The following PARD3 variants were observed in gnomAD, a reference collection of about 807,000 sequenced individuals.
PARD3 encodes par-3 family cell polarity regulator, also known as partitioning defective 3 homolog.
PARD3 carries 75 observed loss-of-function variants against 155.4 expected under a neutral mutation model. The observed-to-expected ratio is 0.48, with a 90% CI of 0.40 to 0.58. The LOEUF (loss-of-function observed/expected upper bound fraction) is 0.58. Among genes scored for constraint, PARD3 ranks in the 20% least tolerant of loss-of-function variants. The pLI is 0.00. For synonymous variants in PARD3, 576 were observed against 610.5 expected, an observed-to-expected ratio of 0.94 and a Z score of 0.83; for missense variants, 1,642 against 1,721.7, an observed-to-expected ratio of 0.95 and a Z score of 0.82.
intron 1 of PARD3, among the ~76,000 whole-genome samples, chr10:34,783,857 C>A (rs182558402): frequency 3.6e-4 from 54 of 151,958 alleles, no homozygotes; most frequent in Non-Finnish European, 6.3e-4. Context: ...GTAACAGCAA[C>A]TCATTAAGTG....
At chr10:34,446,946 C>T (rs189620957) in intron 5 of PARD3, among the ~76,000 whole-genome samples, 25 of 152,282 alleles carry the variant, frequency 1.6e-4, no homozygotes, top group Non-Finnish European at 2.5e-4. Context: ...TTTATTCCAG[C>T]ATTTAGTCAA....
At chr10:34,683,793 G>A (rs781427654) in intron 2 of PARD3, among the ~76,000 whole-genome samples, 8 of 152,100 alleles carry the variant, frequency 5.3e-5, no homozygotes, top group South Asian at 2.1e-4. Flanking sequence ...GGCCCCCTCC[G>A]AACTCCCTTT....
chr10:34,248,109 C>A (rs1295650650), intron 22 of PARD3, among the ~76,000 whole-genome samples: 1 of 152,160 alleles, frequency 6.6e-6, no homozygotes, highest in Non-Finnish European at 1.5e-5. Context: ...TGCATTTTAT[C>A]CCTTAAGATG....
At chr10:34,410,636 C>CT (rs1844952754) in intron 5 of PARD3, among the ~76,000 whole-genome samples, 1 of 152,196 alleles carries the variant, frequency 6.6e-6, no homozygotes, top group East Asian at 1.9e-4. Flanking sequence ...TTACCAGCCT[C>CT]TTATTAAACT....
At chr10:34,472,134 T>C (rs973617169) in intron 3 of PARD3, among the ~76,000 whole-genome samples, 5 of 152,296 alleles carry the variant, frequency 3.3e-5, no homozygotes, top group South Asian at 2.1e-4. Flanking sequence ...GATTCAATAA[T>C]AACAACACAG....
intron 2 of PARD3, among the ~76,000 whole-genome samples, chr10:34,682,427 A>G (rs1590624485): frequency 6.6e-6 from 1 of 152,170 alleles, no homozygotes; most frequent in East Asian, 1.9e-4. Flanking sequence ...TCTTACAACT[A>G]TCTCTGGGTG....
Position 34,284,334 on chromosome 10 carries a change from ATGTTAGCTTCT to A in PARD3, c.3066-100_3066-90del, listed in dbSNP as rs1474135725. 7.0e-6 allele frequency: 5 copies of A among 718,708 alleles called. No individual in the cohort carries two copies. The East Asian group carries it at 1.4e-4, about 20-fold the overall frequency. 44.5% of individuals were successfully genotyped at this position (718,708 alleles called of 1,614,324 possible). A position where few individuals can be genotyped will look rare whatever the true frequency, so the allele number is the denominator to read the frequency against. On this transcript the variant is annotated intron_variant, in intron 20 of 24. Transcript: ENST00000374788. Reference sequence around the variant, plus strand: ...TAATGACATATACCCAATGAAATGAATGTTAGCTTCTTCAAAACAGGGATCAGGTGTCTTCT... The same window carrying A: ...TAATGACATATACCCAATGAAATGAATCAAAACAGGGATCAGGTGTCTTCT...
intron 2 of PARD3, among the ~76,000 whole-genome samples, chr10:34,620,819 A>C (rs546646838): frequency 2.0e-5 from 3 of 152,244 alleles, no homozygotes. Context: ...CAGGAGAAAC[A>C]AGCACCCATT....
intron 2 of PARD3, among the ~76,000 whole-genome samples, chr10:34,661,124 A>G (rs1277985187): frequency 3.9e-5 from 6 of 152,220 alleles, no homozygotes; most frequent in South Asian, 2.1e-4. Flanking sequence ...GATTCTGTGT[A>G]ACAGAGCGGT....
intron 22 of PARD3, among the ~76,000 whole-genome samples, chr10:34,196,648 A>C (rs1490911037): frequency 7.5e-6 from 1 of 133,906 alleles, no homozygotes; most frequent in East Asian, 2.2e-4. Flanking sequence ...ATCTTGGCTC[A>C]CTGCAAGCTC....
chr10:34,791,454 C>T (rs1369158705), intron 1 of PARD3, among the ~76,000 whole-genome samples: 1 of 152,182 alleles, frequency 6.6e-6, no homozygotes, highest in Admixed American at 6.5e-5. Flanking sequence ...GAAGCCAACA[C>T]CGAGCCCTGG....
At chr10:34,433,822 T>C (rs1157614234) in intron 5 of PARD3, among the ~76,000 whole-genome samples, 2 of 152,164 alleles carry the variant, frequency 1.3e-5, no homozygotes, top group Non-Finnish European at 2.9e-5. Context: ...TAATAACAAA[T>C]GTATTCAATA....
At chr10:34,236,978 G>C (rs892216880) in intron 22 of PARD3, among the ~76,000 whole-genome samples, 1 of 152,112 alleles carries the variant, frequency 6.6e-6, no homozygotes, top group Non-Finnish European at 1.5e-5. Flanking sequence ...TCTACAAAAA[G>C]AGTGTTTAAA....
chr10:34,456,186 A>C (rs2077330380), intron 4 of PARD3, among the ~76,000 whole-genome samples: 1 of 152,254 alleles, frequency 6.6e-6, no homozygotes, highest in African/African-American at 2.4e-5. Context: ...ACTATGGTGG[A>C]GTCTGCAACC....
chr10:34,642,099 A>ACGG (rs1250965481), intron 2 of PARD3, among the ~76,000 whole-genome samples: 38 of 152,086 alleles, frequency 2.5e-4, no homozygotes, highest in African/African-American at 8.7e-4. Context: ...CCCTGTAAGC[A>ACGG]CGGCCCCTGT....
chr10:34,505,629 A>G (rs1242967314), intron 3 of PARD3, among the ~76,000 whole-genome samples: 1 of 152,190 alleles, frequency 6.6e-6, no homozygotes, highest in Non-Finnish European at 1.5e-5. Flanking sequence ...GCCTTTCCAG[A>G]TGAATGCCAG....
At chr10:34,749,493 T>C (rs1222082081) in intron 1 of PARD3, among the ~76,000 whole-genome samples, 2 of 151,242 alleles carry the variant, frequency 1.3e-5, no homozygotes, top group Non-Finnish European at 2.9e-5. Context: ...ATAAACTATA[T>C]ATAAATTATA....
At chr10:34,565,260 CTTTTTTTTTTTTTTTT>C (rs59606413) in intron 2 of PARD3, among the ~76,000 whole-genome samples, 2 of 39,666 alleles carry the variant, frequency 5.0e-5, no homozygotes, top group South Asian at 2.3e-3. Flanking sequence ...AGGAGCAAGG[CTTTTTTTTTTTTTTTT>C]TTTTTTTTTT....
intron 20 of PARD3, among the ~76,000 whole-genome samples, chr10:34,288,929 G>A (rs1956534860): frequency 6.6e-6 from 1 of 152,144 alleles, no homozygotes; most frequent in Non-Finnish European, 1.5e-5. Context: ...GGAAGAATTT[G>A]CTAGTCATGC....
Sources: gnomAD v4.1 joint callset for allele counts (sites outside exome capture counted in the v4.1 genomes callset) on GRCh38, gnomAD v4.1.1 for gene constraint, MANE v1.5 for transcripts, NCBI Gene and HGNC (gene_info 2026-07-23, HGNC 2026-07-21) for gene names.